RUNX2: variants seen among roughly 807,000 people sequenced by gnomAD.
The protein encoded by RUNX2 is RUNX family transcription factor 2.
Under a neutral mutation model 51.7 loss-of-function variants are expected in RUNX2, and 10 were observed. The observed-to-expected ratio is 0.19, with a 90% CI of 0.12 to 0.33. The LOEUF (loss-of-function observed/expected upper bound fraction) is 0.33. Among genes scored for constraint, RUNX2 ranks in the 10% least tolerant of loss-of-function variants. The pLI is 1.00. For missense variants in RUNX2, 562 were observed against 691.3 expected (o/e 0.81, Z 2.10); for synonymous variants, 276 against 273.6 (o/e 1.01, Z -0.09).
chr6:45,452,518 T>C (rs1799204063), intron 5 of RUNX2, among the ~76,000 whole-genome samples: 1 of 152,206 alleles, frequency 6.6e-6, no homozygotes, highest in Non-Finnish European at 1.5e-5. Context: ...TTTAAGTTTA[T>C]TTTTTAATTC....
chr6:45,504,156 C>G (rs942257183), intron 6 of RUNX2, among the ~76,000 whole-genome samples: 53 of 152,298 alleles, frequency 3.5e-4, no homozygotes, highest in Middle Eastern at 3.4e-3. Context: ...GCACCTTGCT[C>G]TTGGGGCTTC....
Position 45,422,810 on chromosome 6 carries a change from G to A in RUNX2, c.276G>A (p.Arg92=), listed in dbSNP as rs368258190. The A allele has an allele frequency of 2.1e-5, 33 of 1,588,962 alleles. No homozygotes were observed. Among genetic ancestry groups the A allele is most frequent in the Non-Finnish European group, 2.5e-5 (29 of 1,171,254 alleles). ...AAAAAAAAVP[R]LRPPHDNRTM... ...CGGCGGCGGCAGCTGCAGTGCCCCG[G>A]TTGCGGCCGCCCCACGACAACCGCA... Residue 92 remains arginine, a synonymous_variant, in exon 3 of 9, where the codon CGG becomes CGA. Coordinates refer to ENST00000647337, the MANE Select transcript of RUNX2 (RefSeq NM_001024630.4).
intron 2 of RUNX2, among the ~76,000 whole-genome samples, chr6:45,329,989 T>C (rs1787126459): frequency 6.6e-6 from 1 of 151,916 alleles, no homozygotes; most frequent in East Asian, 1.9e-4. Flanking sequence ...TTACTCCTCC[T>C]ACTTCACACA....
chr6:45,373,803 T>C (rs968393054), intron 2 of RUNX2, among the ~76,000 whole-genome samples: 2 of 152,136 alleles, frequency 1.3e-5, no homozygotes, highest in African/African-American at 4.8e-5. Context: ...TCCACCCATC[T>C]CAGCCTCCCA....
chr6:45,517,570 A>G (rs1801370875), intron 7 of RUNX2, among the ~76,000 whole-genome samples: 1 of 152,028 alleles, frequency 6.6e-6, no homozygotes, highest in Admixed American at 6.6e-5. Context: ...TCTTTCTGTA[A>G]GGTTATTTTT....
intron 7 of RUNX2, among the ~76,000 whole-genome samples, chr6:45,525,095 A>C (rs1801632296): frequency 6.6e-6 from 1 of 152,226 alleles, no homozygotes. Context: ...TGGGTGACAG[A>C]GTGAGACTCA....
chr6:45,429,766 G>A (rs1798487159), intron 3 of RUNX2, among the ~76,000 whole-genome samples: 1 of 152,114 alleles, frequency 6.6e-6, no homozygotes, highest in Admixed American at 6.5e-5. Context: ...TCTGCGAAGT[G>A]GGGCTCTTTA....
intron 5 of RUNX2, among the ~76,000 whole-genome samples, chr6:45,489,550 G>A (rs747369788): frequency 1.3e-5 from 2 of 152,216 alleles, no homozygotes; most frequent in African/African-American, 4.8e-5. Flanking sequence ...AACCATGCAA[G>A]ATCATGTAGC....
intron 4 of RUNX2, 152 bp downstream of exon 4, chr6:45,432,171 T>A: frequency 2.6e-6 from 2 of 782,858 alleles, no homozygotes; most frequent in South Asian, 1.6e-5. Flanking sequence ...AAGTTGAGTG[T>A]TTTTCTGAGT....
At chr6:45,350,337 G>A (rs1050815708) in intron 2 of RUNX2, among the ~76,000 whole-genome samples, 7 of 152,140 alleles carry the variant, frequency 4.6e-5, no homozygotes, top group African/African-American at 1.7e-4. Context: ...CCCAACAGGT[G>A]CTAGTCTAAA....
intron 5 of RUNX2, among the ~76,000 whole-genome samples, chr6:45,461,402 C>T (rs2252718): frequency 8.6e-5 from 13 of 152,010 alleles, no homozygotes; most frequent in South Asian, 4.1e-4. Context: ...ACCAAATATA[C>T]GGAAGACGTA....
intron 2 of RUNX2, chr6:45,421,547 T>C (rs1798188229): frequency 6.6e-6 from 1 of 152,114 alleles, no homozygotes. Context: ...GGCTCAAGAA[T>C]TTTCTTTCCT....
At chr6:45,531,551 G>A (rs1240090689) in intron 7 of RUNX2, among the ~76,000 whole-genome samples, 1 of 152,068 alleles carries the variant, frequency 6.6e-6, no homozygotes, top group African/African-American at 2.4e-5. Flanking sequence ...TCAAGAGATC[G>A]AGACCATCCT....
chr6:45,374,899 T>C (rs963183897), intron 2 of RUNX2, among the ~76,000 whole-genome samples: 2 of 152,202 alleles, frequency 1.3e-5, no homozygotes, highest in African/African-American at 4.8e-5. Flanking sequence ...AACAGTAATT[T>C]TGTCACTGTT....
intron 5 of RUNX2, among the ~76,000 whole-genome samples, chr6:45,475,628 AT>A (rs1799935322): frequency 6.6e-6 from 1 of 152,158 alleles, no homozygotes; most frequent in South Asian, 2.1e-4. Context: ...CAATTCTGTC[AT>A]TTTTTAGTTC....
intron 5 of RUNX2, among the ~76,000 whole-genome samples, chr6:45,466,278 A>G (rs1468394316): frequency 6.6e-6 from 1 of 151,938 alleles, no homozygotes; most frequent in Non-Finnish European, 1.5e-5. Flanking sequence ...CCGCCATTGC[A>G]CTCCAGCCTG....
intron 5 of RUNX2, among the ~76,000 whole-genome samples, chr6:45,452,243 A>T (rs1799195252): frequency 1.3e-5 from 2 of 152,252 alleles, no homozygotes; most frequent in African/African-American, 4.8e-5. Flanking sequence ...CTGGAGCTTG[A>T]GTGATGCAAT....
chr6:45,438,143 TC>T, intron 5 of RUNX2, 92 bp downstream of exon 5: 1 of 837,594 alleles, frequency 1.2e-6, no homozygotes. Context: ...CACTTTCATG[TC>T]CATAGTGTCT....
chr6:45,531,716 G>A (rs185079354), intron 7 of RUNX2, among the ~76,000 whole-genome samples: 278 of 152,102 alleles, frequency 1.8e-3, no homozygotes, highest in Non-Finnish European at 3.3e-3. Flanking sequence ...TGGCGCCACT[G>A]CACTCCAGTC....
Sources: gnomAD v4.1 joint callset for allele counts (sites outside exome capture counted in the v4.1 genomes callset) on GRCh38, gnomAD v4.1.1 for gene constraint, MANE v1.5 for transcripts, NCBI Gene and HGNC (gene_info 2026-07-23, HGNC 2026-07-21) for gene names.